Variants in PCDH11X observed in about 807,000 individuals in gnomAD.
PCDH11X encodes protocadherin-11 X-linked.
PCDH11X carries 18 observed loss-of-function variants against 53.3 expected under a neutral mutation model. The observed-to-expected ratio is 0.34, with a 90% CI of 0.23 to 0.50. PCDH11X has a LOEUF of 0.50. Ranked by LOEUF, PCDH11X falls within the 20% of genes least tolerant of loss-of-function variation. The pLI is 0.98. For synonymous variants in PCDH11X, 279 were observed against 393.3 expected (o/e 0.71, Z 3.44); for missense variants, 570 against 1,032.4 (o/e 0.55, Z 6.14).
rs768068684 is a variant in PCDH11X, at chrX:92,018,669, G to A, written c.3033+139396G>A. 7.1e-5 allele frequency among the ~76,000 whole-genome samples: 8 copies of A among 112,445 alleles called. No homozygotes were observed. In the East Asian group the frequency reaches 2.2e-3, roughly 32 times the overall value. On this transcript the variant is annotated intron_variant, in intron 6 of 10. Transcript: ENST00000682573. ...GCTTCATATAGTATCTAATTATGATGTGATACTAATTATTATGTTTCTCAT... is the reference window on the plus strand; with the variant it reads ...GCTTCATATAGTATCTAATTATGATATGATACTAATTATTATGTTTCTCAT...
intron 6 of PCDH11X, among the ~76,000 whole-genome samples, chrX:92,009,573 T>C (rs1281593320): frequency 2.7e-5 from 3 of 111,060 alleles, no homozygotes; most frequent in Non-Finnish European, 5.7e-5. Flanking sequence ...TACCAATATC[T>C]TGAAATTTTT....
At chrX:92,460,856 G>T in intron 9 of PCDH11X, 1 of 1,026,041 alleles carries the variant, frequency 9.7e-7, no homozygotes, top group Non-Finnish European at 1.4e-6. Context: ...TGGACAGCAG[G>T]AACTCCATGC....
At chrX:92,517,134 G>C (rs1457699577) in intron 10 of PCDH11X, among the ~76,000 whole-genome samples, 10 of 111,594 alleles carry the variant, frequency 9.0e-5, no homozygotes, top group African/African-American at 3.3e-4. Context: ...TTGGAGAATA[G>C]ATAACAATAA....
chrX:91,850,604 G>A (rs1267387660), intron 5 of PCDH11X, among the ~76,000 whole-genome samples: 4 of 111,623 alleles, frequency 3.6e-5, no homozygotes, highest in Non-Finnish European at 5.7e-5. Context: ...GTTACAAAAC[G>A]TTTTTGTGGG....
chrX:92,563,084 G>T (rs2208234), intron 10 of PCDH11X, among the ~76,000 whole-genome samples: 12 of 57,294 alleles, frequency 2.1e-4, no homozygotes, highest in Non-Finnish European at 2.8e-4. Context: ...TTTTTTTTGT[G>T]AAATAGCTGA....
At chrX:91,952,566 C>T (rs1378868779) in intron 6 of PCDH11X, among the ~76,000 whole-genome samples, 1 of 110,979 alleles carries the variant, frequency 9.0e-6, no homozygotes, top group African/African-American at 3.3e-5. Flanking sequence ...ATCATATTTA[C>T]TTTGGGACAT....
At chrX:92,039,454 CCCTTTTCACA>C (rs1375371288) in intron 6 of PCDH11X, among the ~76,000 whole-genome samples, 1 of 110,491 alleles carries the variant, frequency 9.1e-6, no homozygotes, top group Non-Finnish European at 1.9e-5. Flanking sequence ...CTCTTCTCTC[CCCTTTTCACA>C]GGCAGAGGAG....
At chrX:92,348,551 T>TTA (rs2069963759) in intron 8 of PCDH11X, among the ~76,000 whole-genome samples, 1 of 99,625 alleles carries the variant, frequency 1.0e-5, no homozygotes, top group Admixed American at 1.1e-4. Context: ...TATTATTATT[T>TTA]TTGAGACGGA....
At chrX:91,970,150 C>A (rs761561842) in intron 6 of PCDH11X, among the ~76,000 whole-genome samples, 1 of 111,153 alleles carries the variant, frequency 9.0e-6, no homozygotes, top group African/African-American at 3.3e-5. Flanking sequence ...CAGACCTTCA[C>A]AGTGAGTGTT....
intron 5 of PCDH11X, among the ~76,000 whole-genome samples, chrX:91,852,417 T>TA (rs1314134256): frequency 9.3e-6 from 1 of 108,091 alleles, no homozygotes; most frequent in African/African-American, 3.4e-5. Flanking sequence ...TTTAATGCCC[T>TA]AAAAAAATGA....
chrX:92,152,385 G>A (rs902380111), intron 6 of PCDH11X, among the ~76,000 whole-genome samples: 26 of 109,150 alleles, frequency 2.4e-4, no homozygotes, highest in African/African-American at 8.6e-4. Flanking sequence ...CAAAGTAGTA[G>A]ACTCTTTCCC....
chrX:91,958,251 T>C (rs1331000021), intron 6 of PCDH11X, among the ~76,000 whole-genome samples: 5 of 112,161 alleles, frequency 4.5e-5, no homozygotes, highest in Non-Finnish European at 9.4e-5. Flanking sequence ...CCAGTGGGTC[T>C]TAACTTGTGA....
intron 6 of PCDH11X, among the ~76,000 whole-genome samples, chrX:91,933,924 G>A (rs2061416054): frequency 9.1e-6 from 1 of 109,448 alleles, no homozygotes; most frequent in African/African-American, 3.3e-5. Flanking sequence ...CCAAAATAGG[G>A]TTTCTAAATG....
At chrX:91,791,528 C>G (rs1387855132) in intron 1 of PCDH11X, among the ~76,000 whole-genome samples, 1 of 109,115 alleles carries the variant, frequency 9.2e-6, no homozygotes, top group African/African-American at 3.4e-5. Context: ...GATCCTATCA[C>G]CTTCCACCAG....
intron 8 of PCDH11X, among the ~76,000 whole-genome samples, chrX:92,293,641 A>G (rs1376553805): frequency 1.8e-5 from 2 of 108,354 alleles, no homozygotes; most frequent in African/African-American, 3.4e-5. Context: ...AAAAAAAAGA[A>G]CTAAAGCTGT....
intron 10 of PCDH11X, among the ~76,000 whole-genome samples, chrX:92,596,448 T>C (rs1200201362): frequency 2.0e-4 from 21 of 106,240 alleles, no homozygotes; most frequent in African/African-American, 7.4e-4. Context: ...GCCAAAAAAT[T>C]GGAAAATCTG....
chrX:91,828,416 A>T (rs908947625), intron 4 of PCDH11X, among the ~76,000 whole-genome samples: 3 of 111,651 alleles, frequency 2.7e-5, no homozygotes, highest in Non-Finnish European at 5.6e-5. Flanking sequence ...CTCTAAGTGT[A>T]TCACAACTGA....
chrX:92,280,805 CATT>C (rs2068235856), intron 8 of PCDH11X, among the ~76,000 whole-genome samples: 1 of 110,019 alleles, frequency 9.1e-6, no homozygotes, highest in South Asian at 3.8e-4. Context: ...AAAAAATTGA[CATT>C]AGTAAACTGG....
chrX:92,178,695 G>A (rs902019282), intron 6 of PCDH11X, among the ~76,000 whole-genome samples: 15 of 111,528 alleles, frequency 1.3e-4, no homozygotes, highest in Non-Finnish European at 2.1e-4. Flanking sequence ...ATTTACCAAG[G>A]ATAGAAGGAG....
Sources: gnomAD v4.1 joint callset for allele counts (sites outside exome capture counted in the v4.1 genomes callset) on GRCh38, gnomAD v4.1.1 for gene constraint, MANE v1.5 for transcripts, NCBI Gene and HGNC (gene_info 2026-07-23, HGNC 2026-07-21) for gene names.